Variants in CREBBP observed in about 807,000 individuals in gnomAD.
CREBBP encodes the protein CREB-binding protein.
Under a neutral mutation model 265.0 loss-of-function variants are expected in CREBBP, and 19 were observed. The ratio of observed to expected loss-of-function variants is 0.07; its 90% CI spans 0.05 to 0.11. CREBBP has a LOEUF of 0.11. Among genes scored for constraint, CREBBP ranks in the 10% least tolerant of loss-of-function variants. The pLI is 1.00. For missense variants in CREBBP, 2,525 were observed against 3,219.0 expected (o/e 0.78, Z 5.22); for synonymous variants, 1,457 against 1,223.7 (o/e 1.19, Z -3.98).
chr16:3,744,666 C>A (rs2052297843), intron 23 of CREBBP, among the ~76,000 whole-genome samples: 1 of 152,196 alleles, frequency 6.6e-6, no homozygotes, highest in Non-Finnish European at 1.5e-5. Context: ...TGCCTATTCT[C>A]AGTGAAGCCC....
At chr16:3,754,131 AT>A (rs3214207) in intron 19 of CREBBP, among the ~76,000 whole-genome samples, 20,655 of 152,118 alleles carry the variant, frequency 0.14, 3,674 homozygotes, top group African/African-American at 0.4. Context: ...GAGGCAAAGC[AT>A]TATCAACAGA....
chr16:3,751,076 A>G (rs1202131174), intron 20 of CREBBP, among the ~76,000 whole-genome samples: 1 of 152,170 alleles, frequency 6.6e-6, no homozygotes, highest in African/African-American at 2.4e-5. Flanking sequence ...ATTAAAATAA[A>G]GAAAATTTCT....
chr16:3,824,264 C>T (rs972681347), intron 2 of CREBBP, among the ~76,000 whole-genome samples: 2 of 152,264 alleles, frequency 1.3e-5, no homozygotes, highest in East Asian at 1.9e-4. Flanking sequence ...ACCGAGGCTA[C>T]GCCTCTGCAA....
rs1296545908 is a variant in CREBBP, at chr16:3,782,933, C to A, written c.1331-7G>T. 5 of 1,614,062 alleles carry A rather than the reference C, an allele frequency of 3.1e-6. No individual in the cohort carries two copies. The highest frequency in any genetic ancestry group is 1.7e-5 in the Admixed American group (1 of 60,008). On this transcript the variant is annotated splice_polypyrimidine_tract_variant and splice_region_variant and intron_variant, in intron 5 of 30. Coordinates refer to ENST00000262367, the MANE Select transcript of CREBBP (RefSeq NM_004380.3). ...GCTGGAGACCCCAGGATGGCTATAA[C>A]GACAAACAGACAGACAGACAAAAAC...
intron 17 of CREBBP, 44 bp downstream of exon 17, chr16:3,758,810 G>A (rs369855454): frequency 6.6e-5 from 93 of 1,419,012 alleles, no homozygotes; most frequent in Non-Finnish European, 9.1e-5. Context: ...ACACTCAGAA[G>A]TCACACCAGC....
chr16:3,842,834 C>T (rs189423501), intron 2 of CREBBP, among the ~76,000 whole-genome samples: 8 of 151,762 alleles, frequency 5.3e-5, no homozygotes, highest in East Asian at 1.9e-4. Flanking sequence ...GGCGTGGTGG[C>T]GGGCGCCTGT....
chr16:3,871,199 T>TCACA (rs1037838119), intron 1 of CREBBP, among the ~76,000 whole-genome samples: 11 of 49,738 alleles, frequency 2.2e-4, no homozygotes, highest in African/African-American at 6.5e-4. Context: ...TCTCTCTCAC[T>TCACA]CACACACACA....
chr16:3,766,925 T>C (rs965449528), intron 16 of CREBBP, among the ~76,000 whole-genome samples: 1 of 152,100 alleles, frequency 6.6e-6, no homozygotes, highest in African/African-American at 2.4e-5. Flanking sequence ...AGCCCTGAGA[T>C]TCACTGTACT....
chr16:3,783,416 C>T (rs2053318600), intron 5 of CREBBP, among the ~76,000 whole-genome samples: 1 of 152,164 alleles, frequency 6.6e-6, no homozygotes, highest in Non-Finnish European at 1.5e-5. Context: ...GATACCTGGT[C>T]GGTCAGTTTT....
At chr16:3,750,629 C>T (rs574330121) in intron 20 of CREBBP, among the ~76,000 whole-genome samples, 7 of 152,092 alleles carry the variant, frequency 4.6e-5, no homozygotes, top group East Asian at 1.9e-4. Context: ...GTAACTCTGC[C>T]GGATAATAAA....
intron 1 of CREBBP, among the ~76,000 whole-genome samples, chr16:3,869,015 A>G (rs1189434249): frequency 6.6e-6 from 1 of 152,212 alleles, no homozygotes; most frequent in Non-Finnish European, 1.5e-5. Flanking sequence ...AAATTCTGGT[A>G]GCCCAGTGAA....
intron 25 of CREBBP, 70 bp from the exon 26 acceptor site, chr16:3,738,742 A>C: frequency 1.0e-6 from 1 of 983,004 alleles, no homozygotes; most frequent in Non-Finnish European, 1.6e-6. Flanking sequence ...AGCAACAAAC[A>C]ACACCCTGGA....
chr16:3,792,837 G>A (rs1242451677), intron 4 of CREBBP, among the ~76,000 whole-genome samples: 2 of 152,258 alleles, frequency 1.3e-5, no homozygotes, highest in African/African-American at 2.4e-5. Flanking sequence ...GGCACGTGAA[G>A]TGCCTAGTTC....
At chr16:3,851,291 A>G (rs2054830099) in intron 1 of CREBBP, among the ~76,000 whole-genome samples, 1 of 146,256 alleles carries the variant, frequency 6.8e-6, no homozygotes, top group African/African-American at 2.6e-5. Flanking sequence ...ACCGTCTCAA[A>G]AAAAAAAAAA....
chr16:3,813,273 G>A (rs1241197535), intron 2 of CREBBP, among the ~76,000 whole-genome samples: 4 of 152,144 alleles, frequency 2.6e-5, no homozygotes, highest in Admixed American at 2.0e-4. Flanking sequence ...TCACCACTAG[G>A]TGCTCTACTT....
At chr16:3,852,127 T>C (rs924190138) in intron 1 of CREBBP, among the ~76,000 whole-genome samples, 8 of 142,888 alleles carry the variant, frequency 5.6e-5, no homozygotes, top group Non-Finnish European at 9.1e-5. Flanking sequence ...TGAACAGCAA[T>C]TTGAGGACAG....
intron 21 of CREBBP, among the ~76,000 whole-genome samples, chr16:3,748,974 C>T (rs1317671698): frequency 1.3e-5 from 2 of 152,090 alleles, no homozygotes; most frequent in Admixed American, 6.6e-5. Context: ...AGTGAAACCC[C>T]GTCTCTACTA....
At chr16:3,837,342 G>A (rs759192434) in intron 2 of CREBBP, among the ~76,000 whole-genome samples, 21 of 152,148 alleles carry the variant, frequency 1.4e-4, no homozygotes, top group Non-Finnish European at 2.5e-4. Flanking sequence ...CTGGCCGGGC[G>A]CGGTGGCTCA....
chr16:3,879,234 G>GCGCACA (rs1249627930), intron 1 of CREBBP, among the ~76,000 whole-genome samples: 3,536 of 150,828 alleles, frequency 0.023, 134 homozygotes, highest in African/African-American at 0.082. Context: ...ACACACGCGC[G>GCGCACA]CACACACACA....
Sources: gnomAD v4.1 joint callset for allele counts (sites outside exome capture counted in the v4.1 genomes callset) on GRCh38, gnomAD v4.1.1 for gene constraint, MANE v1.5 for transcripts, NCBI Gene and HGNC (gene_info 2026-07-23, HGNC 2026-07-21) for gene names.